The following CNTNAP5 variants were observed in gnomAD, a reference collection of about 807,000 sequenced individuals.
CNTNAP5 encodes the protein contactin-associated protein-like 5.
In CNTNAP5, 72 loss-of-function variants were observed where a neutral mutation model predicts 150.2. The ratio of observed to expected loss-of-function variants is 0.48; its 90% CI spans 0.40 to 0.58. The LOEUF (loss-of-function observed/expected upper bound fraction) is 0.58, where lower values mean the gene tolerates loss of function less well. Ranked by LOEUF, CNTNAP5 falls within the 20% of genes least tolerant of loss-of-function variation. The pLI is 0.00. For missense variants in CNTNAP5, 1,636 were observed against 1,626.2 expected (o/e 1.01, Z -0.10); for synonymous variants, 672 against 619.8 (o/e 1.08, Z -1.25).
intron 6 of CNTNAP5, among the ~76,000 whole-genome samples, chr2:124,447,543 C>T (rs1240329615): frequency 6.6e-6 from 1 of 152,114 alleles, no homozygotes; most frequent in Non-Finnish European, 1.5e-5. Flanking sequence ...ATGTTGTGCC[C>T]CTGCTGTACA....
intron 1 of CNTNAP5, among the ~76,000 whole-genome samples, chr2:124,190,019 T>C: frequency 6.6e-6 from 1 of 152,196 alleles, no homozygotes; most frequent in Non-Finnish European, 1.5e-5. Flanking sequence ...AATTACCAAC[T>C]TTCCTATTTG....
At chr2:124,151,353 T>C (rs1027247588) in intron 1 of CNTNAP5, among the ~76,000 whole-genome samples, 16 of 152,312 alleles carry the variant, frequency 1.1e-4, no homozygotes, top group African/African-American at 3.6e-4. Flanking sequence ...CTGCCAGATC[T>C]CCACAGTGAC....
At chr2:124,882,304 G>A (rs552560991) in intron 21 of CNTNAP5, among the ~76,000 whole-genome samples, 57 of 152,036 alleles carry the variant, frequency 3.7e-4, no homozygotes, top group Non-Finnish European at 7.1e-4. Context: ...AGTCTCTGCC[G>A]GGGTGCAGCA....
At chr2:124,842,965 T>G (rs930028039) in intron 19 of CNTNAP5, among the ~76,000 whole-genome samples, 2 of 152,002 alleles carry the variant, frequency 1.3e-5, no homozygotes, top group African/African-American at 4.8e-5. Flanking sequence ...CATGAATAAT[T>G]TCTTTAGTGG....
chr2:124,907,567 ATATC>A (rs1406075978), intron 22 of CNTNAP5, among the ~76,000 whole-genome samples: 2 of 148,600 alleles, frequency 1.3e-5, no homozygotes, highest in African/African-American at 4.9e-5. Context: ...ATCTTGATCT[ATATC>A]TATAATTATA....
chr2:124,865,562 C>T (rs1333382903), intron 20 of CNTNAP5, 126 bp downstream of exon 20: 4 of 868,442 alleles, frequency 4.6e-6, no homozygotes, highest in Non-Finnish European at 7.0e-6. Context: ...TCACACTTGC[C>T]CCCAGACTTG....
At chr2:124,764,635 C>G (rs774715993) in intron 16 of CNTNAP5, among the ~76,000 whole-genome samples, 26 of 152,230 alleles carry the variant, frequency 1.7e-4, no homozygotes, top group Non-Finnish European at 3.1e-4. Flanking sequence ...TGGACAGTGG[C>G]GTATCTAATA....
intron 13 of CNTNAP5, among the ~76,000 whole-genome samples, chr2:124,724,923 C>CTT (rs71387242): frequency 0.17 from 19,376 of 111,370 alleles, 1,929 homozygotes; most frequent in South Asian, 0.21. Flanking sequence ...ATTCCCTTAG[C>CTT]TTTTTTTTTT....
chr2:124,862,592 C>T (rs1210743358), intron 19 of CNTNAP5, among the ~76,000 whole-genome samples: 1 of 152,140 alleles, frequency 6.6e-6, no homozygotes, highest in African/African-American at 2.4e-5. Context: ...ATGGCAATGC[C>T]AGGCAAGAAG....
chr2:124,129,685 G>GC (rs1381359867), intron 1 of CNTNAP5, among the ~76,000 whole-genome samples: 1 of 152,086 alleles, frequency 6.6e-6, no homozygotes, highest in South Asian at 2.1e-4. Context: ...GGCACATCTT[G>GC]CCCCAACACA....
chr2:124,512,105 G>A (rs1694606723), intron 8 of CNTNAP5, among the ~76,000 whole-genome samples: 1 of 151,914 alleles, frequency 6.6e-6, no homozygotes, highest in South Asian at 2.1e-4. Context: ...CAGAGACACA[G>A]CAAGGGTCTT....
intron 1 of CNTNAP5, among the ~76,000 whole-genome samples, chr2:124,203,875 A>G (rs1281607237): frequency 2.0e-5 from 3 of 152,206 alleles, no homozygotes; most frequent in African/African-American, 7.2e-5. Flanking sequence ...AAGACCTCTG[A>G]CATGCCCTGA....
At chr2:124,264,012 T>C (rs1358210355) in intron 3 of CNTNAP5, among the ~76,000 whole-genome samples, 2 of 152,186 alleles carry the variant, frequency 1.3e-5, no homozygotes, top group African/African-American at 2.4e-5. Context: ...TCTATATCTC[T>C]GTTTTAGTAC....
intron 1 of CNTNAP5, among the ~76,000 whole-genome samples, chr2:124,215,514 A>G (rs1033470295): frequency 2.6e-5 from 4 of 152,276 alleles, no homozygotes; most frequent in Middle Eastern, 3.4e-3. Context: ...ACTGAAGAAC[A>G]TATTATCCCC....
chr2:124,706,134 C>T (rs1558742636), intron 13 of CNTNAP5, among the ~76,000 whole-genome samples: 1 of 152,130 alleles, frequency 6.6e-6, no homozygotes, highest in Non-Finnish European at 1.5e-5. Context: ...GGTTACTGCT[C>T]CACACCATCT....
intron 3 of CNTNAP5, among the ~76,000 whole-genome samples, chr2:124,353,636 C>G (rs546751430): frequency 6.6e-6 from 1 of 152,134 alleles, no homozygotes; most frequent in African/African-American, 2.4e-5. Context: ...GCCTCAAATT[C>G]TTATACGAAT....
At chr2:124,131,964 G>A (rs781662011) in intron 1 of CNTNAP5, among the ~76,000 whole-genome samples, 3 of 152,072 alleles carry the variant, frequency 2.0e-5, no homozygotes, top group Non-Finnish European at 4.4e-5. Flanking sequence ...CAAGGGCTTC[G>A]TCCTCTCCTG....
intron 1 of CNTNAP5, among the ~76,000 whole-genome samples, chr2:124,205,240 T>C (rs1471907429): frequency 6.6e-6 from 1 of 151,976 alleles, no homozygotes; most frequent in Non-Finnish European, 1.5e-5. Flanking sequence ...TGACAATGAG[T>C]GAGTTCTCAT....
chr2:124,278,318 G>T (rs973051702), intron 3 of CNTNAP5, among the ~76,000 whole-genome samples: 10 of 152,048 alleles, frequency 6.6e-5, no homozygotes, highest in African/African-American at 2.4e-4. Context: ...AAAATAATGG[G>T]AAAGAAGTGA....
Sources: allele counts gnomAD v4.1 joint callset (sites outside exome capture counted in the v4.1 genomes callset), GRCh38; gene constraint gnomAD v4.1.1; transcripts MANE v1.5; gene names NCBI Gene and HGNC (gene_info 2026-07-23, HGNC 2026-07-21).